The following ZNF892 variants were observed in gnomAD, a reference collection of about 807,000 sequenced individuals.
The protein encoded by ZNF892 is zinc finger protein 892.
chr2:95,212,450 T>A, the ZNF892 span, among the ~76,000 whole-genome samples: 4 of 152,222 alleles, frequency 2.6e-5, no homozygotes, highest in African/African-American at 9.7e-5. Flanking sequence ...AAGTTATAAT[T>A]TGATTTTTTA....
At chr2:95,215,116 A>G in the ZNF892 span, 5 of 496,564 alleles carry the variant, frequency 1.0e-5, no homozygotes, top group South Asian at 5.0e-5. Context: ...GAGAAACCTT[A>G]TAAGTGTAAC....
At chr2:95,211,109 G>C in the ZNF892 span, among the ~76,000 whole-genome samples, 3 of 152,080 alleles carry the variant, frequency 2.0e-5, no homozygotes, top group East Asian at 1.9e-4. Flanking sequence ...TTCAGATACT[G>C]TTTTACAAAT....
chr2:95,250,677 A>G, the ZNF892 span, among the ~76,000 whole-genome samples: 1 of 140,980 alleles, frequency 7.1e-6, no homozygotes, highest in South Asian at 2.2e-4. Flanking sequence ...ATTTATAAAT[A>G]TAAACTATTC....
the ZNF892 span, among the ~76,000 whole-genome samples, chr2:95,240,852 G>A: frequency 6.6e-6 from 1 of 152,204 alleles, no homozygotes; most frequent in Non-Finnish European, 1.5e-5. Context: ...AAGAGGAAGT[G>A]TCCCCCACAA....
the ZNF892 span, among the ~76,000 whole-genome samples, chr2:95,235,901 AG>A: frequency 6.6e-6 from 1 of 152,242 alleles, no homozygotes; most frequent in Admixed American, 6.5e-5. Context: ...TGGTGAATAC[AG>A]TACTGTTCAA....
At chr2:95,260,174 C>T in the ZNF892 span, among the ~76,000 whole-genome samples, 1 of 152,248 alleles carries the variant, frequency 6.6e-6, no homozygotes, top group Non-Finnish European at 1.5e-5. Context: ...CTTCTCCCAG[C>T]AGCCTGCTGC....
the ZNF892 span, among the ~76,000 whole-genome samples, chr2:95,218,990 A>G: frequency 6.6e-6 from 1 of 151,838 alleles, no homozygotes; most frequent in Non-Finnish European, 1.5e-5. Flanking sequence ...CTTCAGATTG[A>G]GCATTTTCTT....
chr2:95,212,868 G>A, the ZNF892 span, among the ~76,000 whole-genome samples: 1 of 152,164 alleles, frequency 6.6e-6, no homozygotes, highest in East Asian at 1.9e-4. Flanking sequence ...GGTGATCAAA[G>A]GAAATAATCC....
chr2:95,209,398 C>G, the ZNF892 span, among the ~76,000 whole-genome samples: 7 of 152,272 alleles, frequency 4.6e-5, no homozygotes, highest in South Asian at 2.1e-4. Flanking sequence ...AGTCTACACT[C>G]GGTCTTATTC....
chr2:95,233,889 A>T, the ZNF892 span, among the ~76,000 whole-genome samples: 1 of 151,672 alleles, frequency 6.6e-6, no homozygotes, highest in African/African-American at 2.4e-5. Context: ...CATGTTGGGC[A>T]GGCTAGTCTG....
At chr2:95,247,481 T>C in the ZNF892 span, among the ~76,000 whole-genome samples, 1 of 152,132 alleles carries the variant, frequency 6.6e-6, no homozygotes, top group Non-Finnish European at 1.5e-5. Context: ...TTAAAAGCAA[T>C]TGTGCCAAAA....
At chr2:95,224,051 C>G in the ZNF892 span, among the ~76,000 whole-genome samples, 1 of 152,240 alleles carries the variant, frequency 6.6e-6, no homozygotes, top group Non-Finnish European at 1.5e-5. Context: ...AAAAGACAGT[C>G]ATCTGTGAGC....
the ZNF892 span, among the ~76,000 whole-genome samples, chr2:95,248,874 C>T: frequency 6.6e-6 from 1 of 152,074 alleles, no homozygotes; most frequent in Non-Finnish European, 1.5e-5. Flanking sequence ...ACTCTACTTT[C>T]ACCTAATGGA....
At chr2:95,249,229 A>ATTTTTTTTTTTTTTTTTTTTTTT in the ZNF892 span, among the ~76,000 whole-genome samples, 1 of 70,626 alleles carries the variant, frequency 1.4e-5, no homozygotes, top group Non-Finnish European at 2.7e-5. Flanking sequence ...ATATATATAT[A>ATTTTTTTTTTTTTTTTTTTTTTT]TATTTTTTTT....
At chr2:95,218,806 G>C in the ZNF892 span, among the ~76,000 whole-genome samples, 1 of 152,158 alleles carries the variant, frequency 6.6e-6, no homozygotes, top group African/African-American at 2.4e-5. Flanking sequence ...GTTCTCACAT[G>C]ACCTTTTCTC....
At chr2:95,233,645 C>A in the ZNF892 span, among the ~76,000 whole-genome samples, 2 of 118,340 alleles carry the variant, frequency 1.7e-5, no homozygotes, top group Non-Finnish European at 3.2e-5. Flanking sequence ...TGCACTCCAA[C>A]CTGGGCGACA....
the ZNF892 span, among the ~76,000 whole-genome samples, chr2:95,251,620 C>G: frequency 2.0e-5 from 3 of 152,226 alleles, no homozygotes; most frequent in Non-Finnish European, 4.4e-5. Flanking sequence ...GCAATGACCC[C>G]TGTGGACTGT....
the ZNF892 span, chr2:95,207,739 G>A: frequency 2.5e-6 from 1 of 398,274 alleles, no homozygotes; most frequent in Non-Finnish European, 4.4e-6. Flanking sequence ...CGGCCTCTTG[G>A]GGGACCCGAG....
At chr2:95,211,348 A>G in the ZNF892 span, among the ~76,000 whole-genome samples, 3 of 152,352 alleles carry the variant, frequency 2.0e-5, no homozygotes, top group Middle Eastern at 3.4e-3. Context: ...TACATAAACT[A>G]AAAAGTTCAT....
Sources: allele counts gnomAD v4.1 joint callset (sites outside exome capture counted in the v4.1 genomes callset), GRCh38; gene constraint gnomAD v4.1.1; transcripts MANE v1.5; gene names NCBI Gene and HGNC (gene_info 2026-07-23, HGNC 2026-07-21).